Variants in FAM133A observed in about 807,000 individuals in gnomAD.
FAM133A encodes the protein protein FAM133A.
For missense variants in FAM133A, 159 were observed against 164.4 expected (o/e 0.97, Z 0.18); for synonymous variants, 65 against 58.6 (o/e 1.11, Z -0.50).
chrX:93,688,131 T>G (rs1925656513), intron 2 of FAM133A, among the ~76,000 whole-genome samples: 1 of 110,489 alleles, frequency 9.1e-6, no homozygotes, highest in Admixed American at 9.7e-5. Context: ...ACATCTTTGA[T>G]ATACTGATTT....
chrX:93,710,271 C>T lies in FAM133A; in HGVS notation c.*105C>T. 1 of 920,828 alleles carries T rather than the reference C, an allele frequency of 1.1e-6. No individual in the cohort carries two copies. Among genetic ancestry groups the T allele is most frequent in the Non-Finnish European group, 1.4e-6 (1 of 691,852 alleles). 75.9% of individuals were successfully genotyped at this position (920,828 alleles called of 1,213,427 possible). ...CAAATCCCACTGTGCCAGTAAGGGG[C>T]ATAGTGGCTGCTGGCAACTTCAATA... On this transcript the variant is annotated 3_prime_UTR_variant, in exon 4 of 4. Coordinates refer to ENST00000683942, the MANE Select transcript of FAM133A (RefSeq NM_001171109.2).
intron 2 of FAM133A, among the ~76,000 whole-genome samples, chrX:93,678,215 G>A (rs892105478): frequency 5.4e-5 from 6 of 111,489 alleles, no homozygotes; most frequent in African/African-American, 2.0e-4. Context: ...AAAAAAATAG[G>A]ATTGTTGTTT....
In FAM133A at chrX:93,711,149, T is replaced by C. The variant is rs1927423090; in HGVS notation, c.*983T>C. The C allele has an allele frequency of 1.6e-5, 2 of 122,874 alleles. No individual in the cohort carries two copies. The highest frequency in any genetic ancestry group is 1.9e-4 in the Admixed American group (2 of 10,406). The allele number at this position is 122,874 out of a possible 1,213,427, so 10.1% of individuals were successfully genotyped here. A position where few individuals can be genotyped will look rare whatever the true frequency, so the allele number is the denominator to read the frequency against. ...ATATTAATTTCATTACTGTGTTTAA[T>C]TGCACCCTTGCCAAAATATTTAGCA... is the stretch of plus-strand genomic sequence containing the variant. On this transcript the variant is annotated 3_prime_UTR_variant, in exon 4 of 4. Coordinates refer to ENST00000683942, the MANE Select transcript of FAM133A (RefSeq NM_001171109.2).
chrX:93,699,602 T>A (rs750390221), intron 3 of FAM133A, among the ~76,000 whole-genome samples: 1 of 111,295 alleles, frequency 9.0e-6, no homozygotes, highest in Non-Finnish European at 1.9e-5. Flanking sequence ...CTTTTTCTTA[T>A]GAAATTTTTA....
At chrX:93,695,535 G>T (rs1287469325) in intron 2 of FAM133A, among the ~76,000 whole-genome samples, 1 of 109,854 alleles carries the variant, frequency 9.1e-6, no homozygotes, top group East Asian at 2.9e-4. Context: ...TTACAGGCGT[G>T]AGCCACCATG....
chrX:93,678,211 A>G (rs1231278556), intron 2 of FAM133A, among the ~76,000 whole-genome samples: 1 of 111,755 alleles, frequency 8.9e-6, no homozygotes, highest in Non-Finnish European at 1.9e-5. Context: ...ATTTAAAAAA[A>G]TAGGATTGTT....
intron 2 of FAM133A, among the ~76,000 whole-genome samples, chrX:93,691,736 C>T (rs1925908100): frequency 8.9e-6 from 1 of 111,752 alleles, no homozygotes; most frequent in African/African-American, 3.2e-5. Flanking sequence ...ATCTATTATT[C>T]AAACTAGGGA....
chrX:93,704,445 C>A (rs1393042534), intron 3 of FAM133A, among the ~76,000 whole-genome samples: 1 of 111,170 alleles, frequency 9.0e-6, no homozygotes, highest in African/African-American at 3.3e-5. Flanking sequence ...GAGCCTCATC[C>A]AAATGTCCAG....
At chrX:93,696,120 C>T (rs1320348754) in intron 2 of FAM133A, among the ~76,000 whole-genome samples, 1 of 111,543 alleles carries the variant, frequency 9.0e-6, no homozygotes, top group African/African-American at 3.3e-5. Context: ...ACAGTCTAAC[C>T]AGTTCTAAGC....
intron 2 of FAM133A, among the ~76,000 whole-genome samples, chrX:93,688,593 T>A (rs1323621591): frequency 1.8e-5 from 2 of 111,904 alleles, no homozygotes; most frequent in African/African-American, 3.2e-5. Context: ...CATTAACTTA[T>A]AATAAATGTT....
chrX:93,683,164 A>T (rs1340344174), intron 2 of FAM133A, among the ~76,000 whole-genome samples: 1 of 112,055 alleles, frequency 8.9e-6, no homozygotes, highest in Admixed American at 9.5e-5. Flanking sequence ...CAGAAGAAAA[A>T]TTTTGAAATC....
At chrX:93,676,804 G>A (rs1924734571) in intron 2 of FAM133A, among the ~76,000 whole-genome samples, 1 of 110,285 alleles carries the variant, frequency 9.1e-6, no homozygotes, top group South Asian at 3.8e-4. Flanking sequence ...TTTTCAATTT[G>A]GAATTATTTT....
intron 2 of FAM133A, among the ~76,000 whole-genome samples, chrX:93,685,730 T>C (rs923528114): frequency 8.9e-6 from 1 of 112,008 alleles, no homozygotes; most frequent in Admixed American, 9.5e-5. Context: ...TTCTGTCATT[T>C]CCCACATGGA....
At chrX:93,703,553 T>C (rs1246563162) in intron 3 of FAM133A, among the ~76,000 whole-genome samples, 1 of 112,400 alleles carries the variant, frequency 8.9e-6, no homozygotes, top group East Asian at 2.8e-4. Flanking sequence ...ATCTAAAATA[T>C]TTTAAATAAA....
At chrX:93,678,494 T>C in intron 2 of FAM133A, among the ~76,000 whole-genome samples, 1 of 111,768 alleles carries the variant, frequency 8.9e-6, no homozygotes, top group Middle Eastern at 4.7e-3. Context: ...TGAAGTCCAG[T>C]TTATCTTGTT....
chrX:93,699,403 T>C (rs1926536811), intron 3 of FAM133A, among the ~76,000 whole-genome samples: 1 of 111,136 alleles, frequency 9.0e-6, no homozygotes, highest in Non-Finnish European at 1.9e-5. Flanking sequence ...TCATCAATTA[T>C]TTTTTCTCAT....
chrX:93,687,640 T>C (rs1925623558), intron 2 of FAM133A, among the ~76,000 whole-genome samples: 1 of 111,982 alleles, frequency 8.9e-6, no homozygotes, highest in African/African-American at 3.2e-5. Context: ...ACCTTAAACA[T>C]CATTTCTTTG....
chrX:93,708,893 A>G (rs758829738), intron 3 of FAM133A, among the ~76,000 whole-genome samples: 1 of 110,332 alleles, frequency 9.1e-6, no homozygotes, highest in African/African-American at 3.3e-5. Context: ...CTCAGTTATG[A>G]CTCCTGGGCT....
At chrX:93,695,797 A>G (rs751750335) in intron 2 of FAM133A, among the ~76,000 whole-genome samples, 1 of 107,550 alleles carries the variant, frequency 9.3e-6, no homozygotes, top group South Asian at 4.2e-4. Flanking sequence ...GCCCGCCACC[A>G]CGCCTGGCTA....
Sources: gnomAD v4.1 joint callset for allele counts (sites outside exome capture counted in the v4.1 genomes callset) on GRCh38, gnomAD v4.1.1 for gene constraint, MANE v1.5 for transcripts, NCBI Gene and HGNC (gene_info 2026-07-23, HGNC 2026-07-21) for gene names.